Variants in NRXN3 observed in about 807,000 individuals in gnomAD.
The protein encoded by NRXN3 is neurexin 3.
NRXN3 carries 32 observed loss-of-function variants against 137.6 expected under a neutral mutation model. The observed-to-expected ratio is 0.23, with a 90% CI of 0.18 to 0.31. NRXN3 has a LOEUF of 0.31. Among genes scored for constraint, NRXN3 ranks in the 10% least tolerant of loss-of-function variants. NRXN3 has a pLI of 1.00. For synonymous variants in NRXN3, 798 were observed against 784.5 expected (o/e 1.02, Z -0.29); for missense variants, 1,574 against 2,062.5 (o/e 0.76, Z 4.59).
At chr14:78,176,099 C>G (rs1276586559) in intron 1 of NRXN3, among the ~76,000 whole-genome samples, 1 of 152,132 alleles carries the variant, frequency 6.6e-6, no homozygotes, top group Non-Finnish European at 1.5e-5. Context: ...GTTTTCTTCT[C>G]TAGCACTTGT....
At chr14:79,715,573 A>G (rs1195938283) in intron 19 of NRXN3, among the ~76,000 whole-genome samples, 1 of 152,256 alleles carries the variant, frequency 6.6e-6, no homozygotes, top group African/African-American at 2.4e-5. Flanking sequence ...CTTAATGGCC[A>G]CTGCCTGCTG....
intron 15 of NRXN3, among the ~76,000 whole-genome samples, chr14:79,415,996 C>T (rs980916547): frequency 2.0e-5 from 3 of 152,042 alleles, no homozygotes; most frequent in Non-Finnish European, 1.5e-5. Context: ...CTTTGGCTTG[C>T]AGTGATTAAT....
At chr14:79,711,305 T>C (rs554629610) in intron 19 of NRXN3, among the ~76,000 whole-genome samples, 6 of 152,288 alleles carry the variant, frequency 3.9e-5, no homozygotes, top group Non-Finnish European at 7.4e-5. Flanking sequence ...CCATTCTGGT[T>C]TCAAGTACTA....
At position 78,242,536 on chromosome 14, in the gene NRXN3, C is replaced by T. The variant is rs780808571; in HGVS notation, c.-558C>T. 4.6e-5 allele frequency: 7 copies of T among 153,844 alleles called. No individual in the cohort carries two copies. Among genetic ancestry groups the T allele is most frequent in the Non-Finnish European group, 7.2e-5 (5 of 69,216 alleles). 9.5% of individuals were successfully genotyped at this position (153,844 alleles called of 1,614,324 possible). A position where few individuals can be genotyped will look rare whatever the true frequency, so the allele number is the denominator to read the frequency against. On this transcript the variant is annotated 5_prime_UTR_variant, in exon 2 of 21. Coordinates refer to ENST00000335750, the MANE Select transcript of NRXN3 (RefSeq NM_001330195.2). ...AGCTGCCCCCCTCCCCACAGCCTGC[C>T]GCTGCTAGGAGGTAGAACTTTAGGA...
At chr14:78,249,008 C>A (rs1295200696) in intron 2 of NRXN3, among the ~76,000 whole-genome samples, 1 of 152,178 alleles carries the variant, frequency 6.6e-6, no homozygotes, top group African/African-American at 2.4e-5. Flanking sequence ...GTGAGATTTC[C>A]TGGGTATACT....
At chr14:78,402,047 G>A (rs972041497) in intron 4 of NRXN3, among the ~76,000 whole-genome samples, 48 of 152,312 alleles carry the variant, frequency 3.2e-4, no homozygotes, top group Admixed American at 2.9e-3. Flanking sequence ...CTGAATGGAT[G>A]ATTAACTGTT....
chr14:78,289,859 A>G (rs1244899299), intron 3 of NRXN3, among the ~76,000 whole-genome samples: 2 of 152,212 alleles, frequency 1.3e-5, no homozygotes, highest in African/African-American at 2.4e-5. Context: ...GGTTGCAGTG[A>G]GCTGAGATTG....
intron 19 of NRXN3, among the ~76,000 whole-genome samples, chr14:79,733,718 T>TAATC (rs2098932358): frequency 6.6e-6 from 1 of 151,238 alleles, no homozygotes; most frequent in East Asian, 1.9e-4. Flanking sequence ...GATGGAATAA[T>TAATC]AATCACAGAA....
At chr14:78,467,694 C>G (rs2095149562) in intron 4 of NRXN3, among the ~76,000 whole-genome samples, 4 of 152,200 alleles carry the variant, frequency 2.6e-5, no homozygotes, top group Non-Finnish European at 5.9e-5. Flanking sequence ...AACATCTCAC[C>G]ACTGTAGACA....
chr14:79,429,784 A>T (rs959125938), intron 15 of NRXN3, among the ~76,000 whole-genome samples: 7 of 152,218 alleles, frequency 4.6e-5, no homozygotes, highest in Admixed American at 4.6e-4. Context: ...ACAGTGAAAT[A>T]AGTGAGTATC....
chr14:79,582,129 G>T (rs567384480), intron 16 of NRXN3, among the ~76,000 whole-genome samples: 14 of 152,082 alleles, frequency 9.2e-5, no homozygotes, highest in Admixed American at 6.6e-4. Flanking sequence ...TTTAAGTAGA[G>T]ACAAAGTCTT....
chr14:79,762,900 G>T (rs1467469377), intron 19 of NRXN3, among the ~76,000 whole-genome samples: 1 of 151,460 alleles, frequency 6.6e-6, no homozygotes, highest in Non-Finnish European at 1.5e-5. Context: ...TTAAGTCCTG[G>T]GGGACATGTG....
At chr14:79,063,760 T>A (rs1207760506) in intron 15 of NRXN3, among the ~76,000 whole-genome samples, 1 of 152,182 alleles carries the variant, frequency 6.6e-6, no homozygotes, top group Non-Finnish European at 1.5e-5. Context: ...ATTGGCAACC[T>A]CTTTATGTTT....
At position 78,803,673 on chromosome 14, in the gene NRXN3, A is replaced by G. The variant is rs1435679746; in HGVS notation, c.2098A>G (p.Met700Val). Residue 700 changes from methionine (M) to valine (V), a missense_variant, in exon 9 of 21, where the codon ATG (methionine) becomes GTG (valine). Transcript: ENST00000335750. Reference protein sequence around the residue: ...GSMYMKIIMPMVMHTEAEDVS... With the variant: ...GSMYMKIIMPVVMHTEAEDVS... The stretch of plus-strand genomic sequence containing the variant: ...CATGTACATGAAGATCATCATGCCC[A>G]TGGTCATGCATACTGAGGCAGAGGA... The G allele has an allele frequency of 2.5e-6, 4 of 1,614,054 alleles. No individual in the cohort carries two copies. The Admixed American group carries it at 5.0e-5, about 20-fold the overall frequency.
At chr14:79,525,290 A>G (rs912527163) in intron 16 of NRXN3, among the ~76,000 whole-genome samples, 3 of 152,144 alleles carry the variant, frequency 2.0e-5, no homozygotes, top group Non-Finnish European at 4.4e-5. Flanking sequence ...AGACCTTCTA[A>G]CAAATGTTCC....
chr14:78,432,820 G>A (rs2093937923), intron 4 of NRXN3, among the ~76,000 whole-genome samples: 1 of 152,192 alleles, frequency 6.6e-6, no homozygotes, highest in African/African-American at 2.4e-5. Context: ...GCAGTAAGGA[G>A]TGGAGAAAAC....
chr14:79,327,658 G>A (rs1037185895), intron 15 of NRXN3, among the ~76,000 whole-genome samples: 2 of 152,114 alleles, frequency 1.3e-5, no homozygotes, highest in African/African-American at 4.8e-5. Flanking sequence ...TCTCCCAGGG[G>A]AAACCCTTTG....
intron 16 of NRXN3, among the ~76,000 whole-genome samples, chr14:79,535,724 G>T (rs762929647): frequency 2.0e-5 from 3 of 152,086 alleles, no homozygotes; most frequent in Non-Finnish European, 1.5e-5. Context: ...TGAAGCTCAC[G>T]GAGGTAAAAT....
chr14:78,950,155 G>C lies in NRXN3; in HGVS notation c.2276-7087G>C, dbSNP rs59655196. On this transcript the variant is annotated intron_variant, in intron 10 of 20. Coordinates refer to ENST00000335750, the MANE Select transcript of NRXN3 (RefSeq NM_001330195.2). The stretch of plus-strand genomic sequence containing the variant: ...TGTTATAAAGTTTTTTTAAAAACAA[G>C]AGTAGAATCAATATCCACAAAAGGA... Among the ~76,000 whole-genome samples, 1,399 of 152,254 alleles carry C rather than the reference G, an allele frequency of 9.2e-3. 25 individuals carry two copies. The highest frequency in any genetic ancestry group is 0.032 in the African/African-American group (1,319 of 41,554).
Sources: gnomAD v4.1 joint callset for allele counts (sites outside exome capture counted in the v4.1 genomes callset) on GRCh38, gnomAD v4.1.1 for gene constraint, MANE v1.5 for transcripts, NCBI Gene and HGNC (gene_info 2026-07-23, HGNC 2026-07-21) for gene names.